Variants in CSMD3 observed in about 807,000 individuals in gnomAD.
CSMD3 encodes the protein CUB and sushi domain-containing protein 3.
A neutral mutation model predicts 435.2 loss-of-function variants in CSMD3; 177 were observed. The ratio of observed to expected loss-of-function variants is 0.41; its 90% confidence interval spans 0.36 to 0.46. The LOEUF (loss-of-function observed/expected upper bound fraction) is 0.46. Ranked by LOEUF, CSMD3 falls within the 20% of genes least tolerant of loss-of-function variation. CSMD3 has a pLI of 0.34. For missense variants in CSMD3, 4,265 were observed against 4,504.6 expected (o/e 0.95, Z 1.52); for synonymous variants, 1,656 against 1,520.5 (o/e 1.09, Z -2.07).
chr8:112,784,051 C>T (rs2078471964), intron 13 of CSMD3, among the ~76,000 whole-genome samples: 1 of 151,942 alleles, frequency 6.6e-6, no homozygotes, highest in African/African-American at 2.4e-5. Context: ...AGAAAATCAA[C>T]AAAGAAACAC....
intron 32 of CSMD3, among the ~76,000 whole-genome samples, chr8:112,444,453 C>G (rs929840456): frequency 6.6e-6 from 1 of 152,178 alleles, no homozygotes; most frequent in African/African-American, 2.4e-5. Context: ...CTGGAAATAA[C>G]TCAAATGTCT....
intron 10 of CSMD3, among the ~76,000 whole-genome samples, chr8:112,877,520 A>G (rs547029022): frequency 1.3e-5 from 2 of 152,180 alleles, no homozygotes; most frequent in East Asian, 1.9e-4. Context: ...TGCTCGCCTC[A>G]GCCTCCCAAA....
At chr8:113,242,185 T>C (rs1391177619) in intron 3 of CSMD3, among the ~76,000 whole-genome samples, 1 of 151,878 alleles carries the variant, frequency 6.6e-6, no homozygotes, top group Non-Finnish European at 1.5e-5. Context: ...GTATGGTACT[T>C]GGATCTAAAG....
intron 5 of CSMD3, among the ~76,000 whole-genome samples, chr8:113,059,813 G>A (rs889057419): frequency 1.3e-5 from 2 of 152,066 alleles, no homozygotes; most frequent in Non-Finnish European, 2.9e-5. Flanking sequence ...GTGTTCATTG[G>A]AAACAGCCCT....
At chr8:113,187,139 G>GTTT in intron 3 of CSMD3, among the ~76,000 whole-genome samples, 1 of 147,922 alleles carries the variant, frequency 6.8e-6, no homozygotes, top group African/African-American at 2.5e-5. Context: ...TTTGCTGGGA[G>GTTT]TTTTTTTTTT....
intron 3 of CSMD3, among the ~76,000 whole-genome samples, chr8:113,249,498 C>A (rs1019956894): frequency 1.3e-4 from 19 of 151,960 alleles, no homozygotes; most frequent in Admixed American, 2.6e-4. Flanking sequence ...AACAGTTGTA[C>A]ATATTATAAG....
chr8:113,386,618 A>T (rs572319040), intron 1 of CSMD3, among the ~76,000 whole-genome samples: 1 of 152,004 alleles, frequency 6.6e-6, no homozygotes, highest in South Asian at 2.1e-4. Context: ...GCCAAAGCCT[A>T]AAGATACTGA....
chr8:112,556,158 C>G (rs1312230889), intron 25 of CSMD3, among the ~76,000 whole-genome samples: 1 of 151,946 alleles, frequency 6.6e-6, no homozygotes, highest in Non-Finnish European at 1.5e-5. Context: ...ATTTGTCTAT[C>G]TACCTTCCCA....
chr8:113,421,080 C>T (rs1366696084), intron 1 of CSMD3, among the ~76,000 whole-genome samples: 2 of 151,126 alleles, frequency 1.3e-5, no homozygotes, highest in East Asian at 1.9e-4. Context: ...GAAAAAAACA[C>T]GAAGAATACA....
intron 38 of CSMD3, among the ~76,000 whole-genome samples, chr8:112,361,294 C>T (rs1317328229): frequency 6.6e-6 from 1 of 151,412 alleles, no homozygotes; most frequent in African/African-American, 2.4e-5. Flanking sequence ...AAAGAAAAAT[C>T]AGAAATGAAT....
intron 10 of CSMD3, among the ~76,000 whole-genome samples, chr8:112,887,198 G>GT (rs200825945): frequency 0.016 from 2,212 of 135,160 alleles, 30 homozygotes; most frequent in African/African-American, 0.038. Context: ...ACAATTATTT[G>GT]TTTTTTTTTT....
chr8:112,769,546 C>A (rs1398764705), intron 13 of CSMD3, among the ~76,000 whole-genome samples: 3 of 151,962 alleles, frequency 2.0e-5, no homozygotes, highest in Non-Finnish European at 4.4e-5. Context: ...CTTATGAATA[C>A]CATGAAAATA....
chr8:112,576,831 CATACATATATAT>C (rs1443496594), intron 23 of CSMD3, among the ~76,000 whole-genome samples: 19 of 144,760 alleles, frequency 1.3e-4, no homozygotes, highest in Admixed American at 6.1e-4. Flanking sequence ...CACCAGGCAG[CATACATATATAT>C]ATATATATAT....
chr8:113,306,882 C>T lies in CSMD3; in HGVS notation c.401+7689G>A, dbSNP rs189645465. On this transcript the variant is annotated intron_variant, in intron 2 of 70. Coordinates refer to ENST00000297405, the MANE Select transcript of CSMD3 (RefSeq NM_198123.2). ...CTGTTCCTTAATTATGTCCATTAGG[C>T]TTTTGAATTCTATGGTTATGACAAC... Among the ~76,000 whole-genome samples the T allele has an allele frequency of 4.6e-5, 7 of 152,074 alleles. No individual in the cohort carries two copies. The East Asian group carries it at 9.7e-4, about 21-fold the overall frequency.
rs2093131096 is a variant in CSMD3, at chr8:113,234,983, G to A, written c.514+43609C>T. Among the ~76,000 whole-genome samples the A allele has an allele frequency of 2.6e-5, 4 of 152,078 alleles. No homozygotes were observed. In the South Asian group the frequency reaches 8.3e-4, roughly 31 times the overall value. ...ATTCATCTGCTCTATGGAGCGTCTA[G>A]GCAGAGAATGTATAAATGGGGTGGA... On this transcript the variant is annotated intron_variant, in intron 3 of 70. Coordinates refer to ENST00000297405, the MANE Select transcript of CSMD3 (RefSeq NM_198123.2).
chr8:113,398,954 C>G lies in CSMD3; in HGVS notation c.178+37723G>C, dbSNP rs575275727. ...TGAGGGACAAGGCCTGTGTTTGAAC[C>G]TTAAAGATGATCTCAAAAATTGTCT... On this transcript the variant is annotated intron_variant, in intron 1 of 70. Transcript: ENST00000297405. Among the ~76,000 whole-genome samples, 35 of 151,454 alleles carry G rather than the reference C, an allele frequency of 2.3e-4. No individual in the cohort carries two copies. The South Asian group carries it at 7.1e-3, about 31-fold the overall frequency.
intron 1 of CSMD3, among the ~76,000 whole-genome samples, chr8:113,422,100 T>G (rs1426475066): frequency 6.6e-6 from 1 of 152,212 alleles, no homozygotes; most frequent in African/African-American, 2.4e-5. Flanking sequence ...CTACTGCCAC[T>G]GTCCCCCTTC....
chr8:112,964,659 T>TC (rs2084352438), intron 7 of CSMD3, among the ~76,000 whole-genome samples: 2 of 151,906 alleles, frequency 1.3e-5, no homozygotes, highest in South Asian at 2.1e-4. Context: ...GACTTTTTTT[T>TC]CCCCCTTAAT....
At chr8:113,230,950 TA>T (rs1163316060) in intron 3 of CSMD3, among the ~76,000 whole-genome samples, 4 of 151,458 alleles carry the variant, frequency 2.6e-5, no homozygotes, top group African/African-American at 9.7e-5. Flanking sequence ...CAACAATATA[TA>T]AATGTCATTT....
Sources: gnomAD v4.1 joint callset for allele counts (sites outside exome capture counted in the v4.1 genomes callset) on GRCh38, gnomAD v4.1.1 for gene constraint, MANE v1.5 for transcripts, NCBI Gene and HGNC (gene_info 2026-07-23, HGNC 2026-07-21) for gene names.